Variants in SOX5 observed in about 807,000 individuals in gnomAD.
SOX5 encodes the protein transcription factor SOX-5.
SOX5 carries 9 observed loss-of-function variants against 92.0 expected under a neutral mutation model. The observed-to-expected ratio is 0.10, with a 90% CI of 0.06 to 0.17. The LOEUF (loss-of-function observed/expected upper bound fraction) is 0.17, where lower values mean the gene tolerates loss of function less well. Among genes scored for constraint, SOX5 ranks in the 10% least tolerant of loss-of-function variants. The probability of loss-of-function intolerance (pLI) is 1.00; values close to 1 mark genes in which losing one functional copy is unlikely to be tolerated. For missense variants in SOX5, 642 were observed against 944.5 expected (o/e 0.68, Z 4.20); for synonymous variants, 344 against 336.3 (o/e 1.02, Z -0.25).
intron 1 of SOX5, among the ~76,000 whole-genome samples, chr12:24,464,634 CCCGG>C (rs1167821215): frequency 6.6e-6 from 1 of 152,220 alleles, no homozygotes; most frequent in African/African-American, 2.4e-5. Context: ...AGCCACCGCA[CCCGG>C]TCTTGAGAGT....
chr12:23,624,513 G>C (rs147731757), intron 8 of SOX5, among the ~76,000 whole-genome samples: 48 of 152,306 alleles, frequency 3.2e-4, no homozygotes, highest in African/African-American at 1.2e-3. Context: ...TTACTTTCTA[G>C]AGCAAATGCT....
intron 1 of SOX5, among the ~76,000 whole-genome samples, chr12:24,414,969 A>G (rs1964768307): frequency 6.6e-6 from 1 of 152,104 alleles, no homozygotes. Context: ...TGCAAATTAT[A>G]TTTCTTTGTT....
At chr12:24,272,837 T>C (rs1376520322) in intron 3 of SOX5, among the ~76,000 whole-genome samples, 1 of 152,184 alleles carries the variant, frequency 6.6e-6, no homozygotes, top group Non-Finnish European at 1.5e-5. Context: ...AAGTCCTTTT[T>C]CATACTATTC....
intron 1 of SOX5, among the ~76,000 whole-genome samples, chr12:24,457,474 A>C (rs1943148525): frequency 6.6e-6 from 1 of 152,172 alleles, no homozygotes; most frequent in Non-Finnish European, 1.5e-5. Context: ...TTTTTAAGAG[A>C]TTAGCATTTC....
intron 2 of SOX5, among the ~76,000 whole-genome samples, chr12:24,291,275 T>C (rs1048687110): frequency 2.0e-5 from 3 of 152,240 alleles, no homozygotes; most frequent in Admixed American, 2.0e-4. Flanking sequence ...TTAGATTTTA[T>C]TGAGGGATTT....
At chr12:24,262,466 T>G (rs79692145) in intron 3 of SOX5, among the ~76,000 whole-genome samples, 5,381 of 152,246 alleles carry the variant, frequency 0.035, 324 homozygotes, top group African/African-American at 0.12. Context: ...TCCCAGATGT[T>G]GTGGAGCAAT....
chr12:24,279,563 G>T (rs10842311), intron 2 of SOX5, among the ~76,000 whole-genome samples: 71,814 of 151,740 alleles, frequency 0.47, 19,180 homozygotes, highest in East Asian at 0.85. Flanking sequence ...GTTGTAACTG[G>T]CATGATACCA....
intron 1 of SOX5, among the ~76,000 whole-genome samples, chr12:24,372,710 C>T (rs1270559738): frequency 6.6e-6 from 1 of 152,184 alleles, no homozygotes; most frequent in Non-Finnish European, 1.5e-5. Context: ...ACCACACTGT[C>T]TTCCACAATG....
chr12:23,683,458 G>C (rs1179197030), intron 6 of SOX5, among the ~76,000 whole-genome samples: 2 of 151,740 alleles, frequency 1.3e-5, no homozygotes, highest in Non-Finnish European at 2.9e-5. Flanking sequence ...ATTCTTACTG[G>C]ATCATTCATC....
chr12:24,549,780 G>A (rs189489553), intron 1 of SOX5, among the ~76,000 whole-genome samples: 5 of 152,222 alleles, frequency 3.3e-5, no homozygotes, highest in East Asian at 1.9e-4. Context: ...AATCTTAGTC[G>A]CATCCATGTG....
chr12:24,082,656 T>C (rs1042818054), intron 4 of SOX5, among the ~76,000 whole-genome samples: 4 of 151,768 alleles, frequency 2.6e-5, no homozygotes, highest in Admixed American at 6.6e-5. Flanking sequence ...CTTGTTTCTA[T>C]GGATTTCTAC....
At chr12:23,811,190 G>T (rs981521225) in intron 3 of SOX5, among the ~76,000 whole-genome samples, 1 of 152,016 alleles carries the variant, frequency 6.6e-6, no homozygotes, top group Admixed American at 6.6e-5. Flanking sequence ...CAAGGATTAG[G>T]CTCTAAATTA....
chr12:24,356,032 A>C (rs1161867710), intron 2 of SOX5, among the ~76,000 whole-genome samples: 1 of 151,942 alleles, frequency 6.6e-6, no homozygotes, highest in Non-Finnish European at 1.5e-5. Flanking sequence ...AAAAGGATAA[A>C]AAAGGGGAGA....
At chr12:23,541,774 T>C (rs943208534) in intron 13 of SOX5, among the ~76,000 whole-genome samples, 5 of 152,212 alleles carry the variant, frequency 3.3e-5, no homozygotes, top group Non-Finnish European at 4.4e-5. Context: ...ATGCACCTTG[T>C]GGACTAGGTG....
chr12:23,628,533 C>A (rs950786339), intron 8 of SOX5, among the ~76,000 whole-genome samples: 1 of 152,046 alleles, frequency 6.6e-6, no homozygotes, highest in South Asian at 2.1e-4. Context: ...GCATTAATTA[C>A]GCTGCCCCAA....
intron 3 of SOX5, among the ~76,000 whole-genome samples, chr12:23,809,977 C>T (rs537153766): frequency 4.6e-5 from 7 of 151,862 alleles, no homozygotes; most frequent in South Asian, 4.2e-4. Flanking sequence ...ATATTTCAAA[C>T]GAAATATTTG....
At chr12:23,564,141 TC>T (rs1946674920) in intron 10 of SOX5, among the ~76,000 whole-genome samples, 1 of 152,148 alleles carries the variant, frequency 6.6e-6, no homozygotes, top group African/African-American at 2.4e-5. Flanking sequence ...TGTATGCAAC[TC>T]CACAGTCCAT....
intron 4 of SOX5, among the ~76,000 whole-genome samples, chr12:24,212,892 GGACACCA>G (rs1256494833): frequency 6.6e-6 from 1 of 152,106 alleles, no homozygotes; most frequent in East Asian, 1.9e-4. Flanking sequence ...TTTTAGAGGT[GGACACCA>G]GCACAGAGTA....
chr12:24,269,923 C>A (rs11047338), intron 3 of SOX5, among the ~76,000 whole-genome samples: 1 of 146,088 alleles, frequency 6.8e-6, no homozygotes, highest in Admixed American at 7.0e-5. Context: ...GAGCTCAAGG[C>A]ATCTTCCTGC....
Sources: allele counts gnomAD v4.1 joint callset (sites outside exome capture counted in the v4.1 genomes callset), GRCh38; gene constraint gnomAD v4.1.1; transcripts MANE v1.5; gene names NCBI Gene and HGNC (gene_info 2026-07-23, HGNC 2026-07-21).